Variants in PTCH1 observed in about 807,000 individuals in gnomAD.
PTCH1 encodes patched 1, also known as protein patched homolog 1.
PTCH1 carries 14 observed loss-of-function variants against 144.6 expected under a neutral mutation model. That is an observed-to-expected ratio of 0.10 (90% confidence interval 0.06 to 0.15). PTCH1 has a LOEUF of 0.15. PTCH1 is among the 10% of genes least tolerant of loss of function. The probability of loss-of-function intolerance (pLI) is 1.00; values close to 1 mark genes in which losing one functional copy is unlikely to be tolerated. For missense variants in PTCH1, 1,623 were observed against 1,948.3 expected (o/e 0.83, Z 3.14); for synonymous variants, 833 against 793.6 (o/e 1.05, Z -0.83).
intron 10 of PTCH1, among the ~76,000 whole-genome samples, chr9:95,477,273 G>A (rs550730862): frequency 6.6e-6 from 1 of 152,300 alleles, no homozygotes; most frequent in Admixed American, 6.5e-5. Context: ...ATGCCCACCA[G>A]AGCTGAAGAG....
intron 12 of PTCH1, among the ~76,000 whole-genome samples, chr9:95,473,794 G>A (rs773478354): frequency 4.0e-5 from 6 of 151,504 alleles, no homozygotes; most frequent in East Asian, 3.9e-4. Context: ...CACCCGTCTC[G>A]GCCTCCCAAA....
At chr9:95,507,935 TCCA>T (rs1843851383) in intron 1 of PTCH1, 2 of 1,440,544 alleles carry the variant, frequency 1.4e-6, no homozygotes, top group Non-Finnish European at 1.8e-6. Context: ...CACACACACC[TCCA>T]CCCCCTGCGG....
intron 22 of PTCH1, among the ~76,000 whole-genome samples, chr9:95,448,354 G>A (rs1202413075): frequency 6.6e-6 from 1 of 152,202 alleles, no homozygotes; most frequent in Non-Finnish European, 1.5e-5. Flanking sequence ...GGGGCCCTCA[G>A]TGGAGCAACA....
chr9:95,514,560 A>C (rs546956231), intron 1 of PTCH1: 1 of 152,234 alleles, frequency 6.6e-6, no homozygotes, highest in South Asian at 2.1e-4. Context: ...CGGTTTACAC[A>C]TCACGCCTAC....
intron 2 of PTCH1, among the ~76,000 whole-genome samples, chr9:95,504,984 G>T (rs1843450584): frequency 6.6e-6 from 1 of 152,170 alleles, no homozygotes; most frequent in Admixed American, 6.5e-5. Context: ...CAGTGATACT[G>T]AATCGCTGAA....
intron 3 of PTCH1, chr9:95,483,425 A>AG (rs556103878): frequency 0.011 from 1,718 of 151,470 alleles, 23 homozygotes; most frequent in East Asian, 0.029. Context: ...AAAAAAAAAA[A>AG]AAAGAAAGAA....
intron 12 of PTCH1, among the ~76,000 whole-genome samples, chr9:95,471,855 A>G (rs188901244): frequency 3.3e-5 from 5 of 152,356 alleles, no homozygotes; most frequent in African/African-American, 1.2e-4. Context: ...CCTGACCAAC[A>G]TGGAGAAACC....
intron 15 of PTCH1, among the ~76,000 whole-genome samples, chr9:95,465,332 C>T (rs1384995645): frequency 6.6e-6 from 1 of 152,128 alleles, no homozygotes; most frequent in East Asian, 1.9e-4. Context: ...ATCTCTTTGT[C>T]ATTTGTGGCA....
intron 2 of PTCH1, among the ~76,000 whole-genome samples, chr9:95,500,857 G>C (rs547792295): frequency 4.6e-5 from 7 of 152,284 alleles, no homozygotes; most frequent in African/African-American, 1.7e-4. Context: ...CTGGGGTTGA[G>C]GTGCAACCAG....
At chr9:95,492,782 T>C (rs1440918091) in intron 2 of PTCH1, among the ~76,000 whole-genome samples, 1 of 151,454 alleles carries the variant, frequency 6.6e-6, no homozygotes, top group Non-Finnish European at 1.5e-5. Context: ...AGTACAACCA[T>C]GTTGCATCAA....
chr9:95,503,235 G>A (rs1333158264), intron 2 of PTCH1: 1 of 152,224 alleles, frequency 6.6e-6, no homozygotes, highest in East Asian at 1.9e-4. Context: ...TTTGCTGATA[G>A]TGATGAGGAA....
chr9:95,515,728 C>T (rs1844334198), intron 1 of PTCH1, among the ~76,000 whole-genome samples: 1 of 152,210 alleles, frequency 6.6e-6, no homozygotes, highest in South Asian at 2.1e-4. Context: ...CACCCAAGCG[C>T]CTGAATCGGT....
Position 95,461,351 on chromosome 9 carries a change from C to T in PTCH1, c.2703+505G>A, listed in dbSNP as rs375555297. 2.6e-5 allele frequency among the ~76,000 whole-genome samples: 4 copies of T among 152,300 alleles called. No homozygotes were observed. The East Asian group carries it at 7.7e-4, about 29-fold the overall frequency. ...CAGAGCGATCTGTCTACTCCTGGGG[C>T]CAGGGCCACCCAAAGATCTCAAATG... On this transcript the variant is annotated intron_variant, in intron 16 of 23. Transcript: ENST00000331920.
intron 2 of PTCH1, among the ~76,000 whole-genome samples, chr9:95,497,991 T>C (rs1842899597): frequency 6.8e-6 from 1 of 147,992 alleles, no homozygotes; most frequent in South Asian, 2.2e-4. Context: ...ATTGCAATAC[T>C]TGACTGTGTA....
Position 95,447,302 on chromosome 9 carries a change from C to T in PTCH1, c.3954G>A (p.Pro1318=), listed in dbSNP as rs45529536. 1,018 of 1,612,992 alleles carry T rather than the reference C, an allele frequency of 6.3e-4. 2 individuals carry two copies. The highest frequency in any genetic ancestry group is 8.1e-4 in the Non-Finnish European group (954 of 1,179,970). The stretch of plus-strand genomic sequence containing the variant: ...TAGAAATTTCAAAAGCGTCTCTGCG[C>T]GGTCTGTAGGGGGGTGGCCACAAGC... ...REGLWPPPYR[P]RRDAFEISTE... is the part of the protein sequence containing the mutation. The change falls in exon 23 of 24, where the codon CCG becomes CCA. Residue 1318 remains proline, a synonymous_variant. Transcript: ENST00000331920.
chr9:95,488,658 C>T (rs759875360), intron 2 of PTCH1, among the ~76,000 whole-genome samples: 10 of 152,036 alleles, frequency 6.6e-5, no homozygotes, highest in Non-Finnish European at 1.2e-4. Context: ...ATGTGGTGGA[C>T]GAAACCAGTC....
chr9:95,507,193 C>T, intron 1 of PTCH1: 2 of 985,562 alleles, frequency 2.0e-6, no homozygotes, highest in Non-Finnish European at 2.4e-6. Context: ...GCTGTGTGAG[C>T]TGAATTAGGA....
chr9:95,479,844 C>T (rs1327676451), intron 7 of PTCH1, 125 bp downstream of exon 7: 1 of 1,495,332 alleles, frequency 6.7e-7, no homozygotes, highest in African/African-American at 1.4e-5. Flanking sequence ...TATGACGCCA[C>T]CTGGCTAGCG....
In PTCH1 at chr9:95,458,015, T is replaced by C. The variant is rs1482854138; in HGVS notation, c.3166A>G (p.Ile1056Val). 6.2e-7 allele frequency: 1 copy of C among 1,614,102 alleles called. No homozygotes were observed. The highest frequency in any genetic ancestry group is 8.5e-7 in the Non-Finnish European group (1 of 1,180,032). The change falls in exon 18 of 24, where the codon ATT (isoleucine) becomes GTT (valine). Residue 1056 changes from isoleucine to valine, a missense_variant and splice_region_variant. This residue lies in a region of PTCH1 where 504 missense variants were observed against 679.3 expected (regional missense o/e 0.74). Coordinates refer to ENST00000331920, the MANE Select transcript of PTCH1 (RefSeq NM_000264.5). This position sits in a 1 kb window ranked among gnomAD's most constrained non-coding sequence, Gnocchi z 4.7. ...AAAGCCCCTTATAATACACTCACAA[T>C]GATCCCGGCCGTCCAGGGGTTCAGA... ...FLLNPWTAGIIVMVLALMTVE... is the reference protein window; with the variant it reads ...FLLNPWTAGIVVMVLALMTVE...
Sources: gnomAD v4.1 joint callset for allele counts (sites outside exome capture counted in the v4.1 genomes callset) on GRCh38, gnomAD v4.1.1 for gene constraint, gnomAD v4.1.1 regional missense constraint, Gnocchi (gnomAD v3.1) non-coding constraint, MANE v1.5 for transcripts, NCBI Gene and HGNC (gene_info 2026-07-23, HGNC 2026-07-21) for gene names.